Variants in PSG1 observed in about 807,000 individuals in gnomAD.
PSG1 encodes the protein pregnancy specific beta-1-glycoprotein 1.
Under a neutral mutation model 41.4 loss-of-function variants are expected in PSG1, and 60 were observed. The observed-to-expected ratio is 1.45, with a 90% CI of 1.18 to 1.80. PSG1 has a LOEUF of 1.80. Among genes scored for constraint, PSG1 ranks in the 40% most tolerant of loss-of-function variants. PSG1 has a pLI of 0.00. For synonymous variants in PSG1, 256 were observed against 192.9 expected (o/e 1.33, Z -2.71); for missense variants, 806 against 516.9 (o/e 1.56, Z -5.42).
intron 3 of PSG1, chr19:42,870,378 A>T (rs1971329470): frequency 6.6e-6 from 1 of 151,694 alleles, no homozygotes; most frequent in African/African-American, 2.4e-5. Context: ...GTGATAAGCC[A>T]AAGATATTCT....
chr19:42,878,180 C>G lies in PSG1; in HGVS notation c.163G>C (p.Val55Leu), dbSNP rs145454453. The G allele has an allele frequency of 1.3e-4, 202 of 1,612,182 alleles. 2 individuals are homozygous for G. In the African/African-American group the frequency reaches 2.5e-3, roughly 20 times the overall value. Residue 55 changes from valine (V) to leucine (L), a missense_variant, in exon 2 of 6, where the codon GTC becomes CTC. Val to Leu is a conservative substitution (Grantham distance 32). Transcript: ENST00000436291. ...VSEGKDVLLL[V>L]HNLPQNLTGY... is the part of the protein sequence containing the mutation. ...GTAAGATTCTGGGGCAAATTGTGGA[C>G]AAGTAGAAGAACATCCTTCCCCTCG...
chr19:42,867,781 G>C (rs773877798), intron 5 of PSG1: 16 of 1,050,916 alleles, frequency 1.5e-5, no homozygotes, highest in African/African-American at 3.2e-5. Flanking sequence ...TTCCATCAAT[G>C]TAGAAAACAA....
At chr19:42,874,412 T>A (rs1305554321) in intron 2 of PSG1, among the ~76,000 whole-genome samples, 1 of 151,522 alleles carries the variant, frequency 6.6e-6, no homozygotes, top group Non-Finnish European at 1.5e-5. Context: ...AGTGGCATGA[T>A]CTCAGCTCAC....
intron 2 of PSG1, chr19:42,873,952 G>A (rs1971498155): frequency 6.6e-6 from 1 of 151,500 alleles, no homozygotes; most frequent in Admixed American, 6.6e-5. Flanking sequence ...TAAGTGAGAT[G>A]GCAATGGCTC....
intron 3 of PSG1, among the ~76,000 whole-genome samples, chr19:42,871,177 A>G (rs560424387): frequency 4.6e-5 from 7 of 151,764 alleles, no homozygotes; most frequent in Non-Finnish European, 8.8e-5. Context: ...AAACAGACCT[A>G]GATCCCTGTA....
chr19:42,875,820 A>AT (rs1375948481), intron 2 of PSG1, among the ~76,000 whole-genome samples: 6 of 123,080 alleles, frequency 4.9e-5, no homozygotes, highest in Non-Finnish European at 5.0e-5. Flanking sequence ...TTATTTATTT[A>AT]TTTGTTTTTT....
chr19:42,868,161 A>T lies in PSG1; in HGVS notation c.1183T>A (p.Ser395Thr). The change falls in exon 5 of 6, where the codon TCT becomes ACT. Residue 395 changes from serine (S) to threonine (T), a missense_variant. By Grantham distance (58) the Ser-to-Thr change is moderately conservative. Transcript: ENST00000436291. ...TTGCCAGTGGCTGAGTTACGAACAG[A>T]GCAAACATAGAGCCCGCTATGCTTT... ...TTKHSGLYVC[S>T]VRNSATGKES... The T allele has an allele frequency of 6.2e-7, 1 of 1,612,432 alleles. No individual in the cohort carries two copies. Among genetic ancestry groups the T allele is most frequent in the Non-Finnish European group, 8.5e-7 (1 of 1,179,114 alleles).
Position 42,871,901 on chromosome 19 carries a change from C to A in PSG1, c.575G>T (p.Ser192Ile), listed in dbSNP as rs375893432. ...CCTGTTGGTTTCGGACAGCTTCAAG[C>A]TGTGAGTCATAGGGAGGCTCTGACC... The part of the protein sequence containing the change: ...MNGQSLPMTH[S>I]LKLSETNRTL... Residue 192 changes from serine (S) to isoleucine (I), a missense_variant, in exon 3 of 6, where the codon AGC (serine) becomes ATC (isoleucine). Ser to Ile is a moderately radical substitution (Grantham distance 142). Transcript: ENST00000436291. The A allele has an allele frequency of 3.0e-5, 48 of 1,612,454 alleles. 2 individuals are homozygous for A. In the South Asian group the frequency reaches 4.7e-4, roughly 16 times the overall value.
chr19:42,877,810 G>A (rs925833147), intron 2 of PSG1, 103 bp downstream of exon 2: 25 of 1,594,656 alleles, frequency 1.6e-5, no homozygotes, highest in East Asian at 2.2e-5. Flanking sequence ...GGGACATAAC[G>A]CAGTGAGTGA....
Position 42,868,269 on chromosome 19 carries a change from T to G in PSG1, c.1075A>C (p.Asn359His). The G allele has an allele frequency of 6.2e-7, 1 of 1,612,230 alleles. No individual in the cohort carries two copies. The highest frequency in any genetic ancestry group is 8.5e-7 in the Non-Finnish European group (1 of 1,179,152). ...GTCCAAGAATACTGTGCCGGTGGGT[T>G]AGAGTCCGCAGAACAGGACAAGTAG... ...VLYLSCSADS[N>H]PPAQYSWTIN... is the part of the protein sequence containing the mutation. Residue 359 changes from asparagine (N) to histidine (H), a missense_variant, in exon 5 of 6, where the codon AAC becomes CAC. Asn to His is a moderately conservative substitution (Grantham distance 68, BLOSUM62 1). Coordinates refer to ENST00000436291, the MANE Select transcript of PSG1 (RefSeq NM_001184825.2).
At position 42,879,067 on chromosome 19, in the gene PSG1, A is replaced by G. The variant is rs558005489; in HGVS notation, c.64+451T>C. Among the ~76,000 whole-genome samples, 1,247 of 151,426 alleles carry G rather than the reference A, an allele frequency of 8.2e-3. 21 individuals carry two copies. The highest frequency in any genetic ancestry group is 0.028 in the African/African-American group (1,160 of 41,228). ...TACCTCTTACCAATTCCGGTCCAAT[A>G]CGACTTTCCTGTTTTGACCCCTGTC... On this transcript the variant is annotated intron_variant, in intron 1 of 5. Coordinates refer to ENST00000436291, the MANE Select transcript of PSG1 (RefSeq NM_001184825.2).
At position 42,877,913 on chromosome 19, in the gene PSG1, G is replaced by A. The variant is rs545006367; in HGVS notation, c.430C>T (p.Leu144=). 4.4e-5 allele frequency: 71 copies of A among 1,612,056 alleles called. 2 individuals are homozygous for A. Among genetic ancestry groups the A allele is most frequent in the African/African-American group, 2.0e-4 (15 of 74,790 alleles). ...CCAGGGATCATGTGGAATCACTTAC[G>A]GTGTAAGGTGAAGGTGAAACGTCCA... ...VTGRFTFTLH[L]ETPKPSISSS... The change falls in exon 2 of 6, where the codon CTG becomes TTG. Residue 144 remains leucine, a splice_region_variant and synonymous_variant. Coordinates refer to ENST00000436291, the MANE Select transcript of PSG1 (RefSeq NM_001184825.2).
At chr19:42,870,755 T>G (rs1294750152) in intron 3 of PSG1, 1 of 151,760 alleles carries the variant, frequency 6.6e-6, no homozygotes, top group East Asian at 1.9e-4. Flanking sequence ...TTTCCATATA[T>G]TGATATCGTC....
chr19:42,872,085 C>A lies in PSG1; in HGVS notation c.431-40G>T, dbSNP rs185314021. Reference sequence around the variant, plus strand: ...GGGTGAAGATTGCCGTGTGTGGCGCCTTTGATTCCTCCAAAGGCATTTTTC... The same window carrying A: ...GGGTGAAGATTGCCGTGTGTGGCGCATTTGATTCCTCCAAAGGCATTTTTC... On this transcript the variant is annotated intron_variant, in intron 2 of 5. Transcript: ENST00000436291. The A allele has an allele frequency of 1.5e-4, 236 of 1,585,828 alleles. 3 individuals carry two copies. The highest frequency in any genetic ancestry group is 1.9e-4 in the Non-Finnish European group (219 of 1,166,096).
chr19:42,867,897 C>G, intron 5 of PSG1: 1 of 1,463,646 alleles, frequency 6.8e-7, no homozygotes, highest in Non-Finnish European at 9.2e-7. Context: ...TTGGTCTAGG[C>G]TGGGAATATT....
chr19:42,867,306 A>G, intron 5 of PSG1, 156 bp from the exon 6 acceptor site: 1 of 655,620 alleles, frequency 1.5e-6, no homozygotes, highest in Non-Finnish European at 2.8e-6. Context: ...TTTGCAAAAT[A>G]GGTGGAGTTT....
rs771504650 is a variant in PSG1 at position 42,879,517 on chromosome 19, C to T, written c.64+1G>A. ...CCTCTCCCAGGAAGTTCTCTCCTCA[C>T]CTGTGAGCAGGAGCCCCTTCCATTT... On this transcript the variant is annotated splice_donor_variant, in intron 1 of 5. Coordinates refer to ENST00000436291, the MANE Select transcript of PSG1 (RefSeq NM_001184825.2). LOFTEE classifies it high-confidence loss of function. 6 of 1,609,990 alleles carry T rather than the reference C, an allele frequency of 3.7e-6. No homozygotes were observed. Among genetic ancestry groups the T allele is most frequent in the East Asian group, 2.2e-5 (1 of 44,610 alleles).
intron 3 of PSG1, 101 bp from the exon 4 acceptor site, chr19:42,869,135 C>G: frequency 5.1e-6 from 8 of 1,555,348 alleles, no homozygotes; most frequent in Non-Finnish European, 6.1e-6. Context: ...TCATTCCACC[C>G]GAGTCCTTGA....
chr19:42,868,241 A>G lies in PSG1; in HGVS notation c.1103T>C (p.Ile368Thr), dbSNP rs1190889891. The G allele has an allele frequency of 1.2e-6, 2 of 1,612,340 alleles. No homozygotes were observed. The highest frequency in any genetic ancestry group is 1.7e-6 in the Non-Finnish European group (2 of 1,179,162). The change falls in exon 5 of 6, where the codon ATT (isoleucine) becomes ACT (threonine). Residue 368 changes from isoleucine to threonine, a missense_variant. Ile to Thr is a moderately conservative substitution (Grantham distance 89). Transcript: ENST00000436291. The part of the protein sequence containing the change: ...SNPPAQYSWT[I>T]NEKFQLPGQK... ...TCCTGGTAGCTGAAACTTTTCATTA[A>G]TTGTCCAAGAATACTGTGCCGGTGG...
Sources: allele counts gnomAD v4.1 joint callset (sites outside exome capture counted in the v4.1 genomes callset), GRCh38; gene constraint gnomAD v4.1.1; transcripts MANE v1.5; gene names NCBI Gene and HGNC (gene_info 2026-07-23, HGNC 2026-07-21).